Variants in PUS10 observed in about 807,000 individuals in gnomAD.
PUS10 encodes tRNA pseudouridine synthase Pus10.
In PUS10, 59 loss-of-function variants were observed where a neutral mutation model predicts 75.0. The observed-to-expected ratio is 0.79, with a 90% CI of 0.64 to 0.98. PUS10 has a LOEUF of 0.98. PUS10 is among the 50% of genes least tolerant of loss of function. The probability of loss-of-function intolerance (pLI) is 0.00; values close to 1 mark genes in which losing one functional copy is unlikely to be tolerated. For synonymous variants in PUS10, 219 were observed against 211.6 expected (o/e 1.03, Z -0.30); for missense variants, 650 against 614.4 (o/e 1.06, Z -0.61).
intron 1 of PUS10, chr2:61,017,330 T>C (rs1358080819): frequency 1.2e-5 from 2 of 160,362 alleles, no homozygotes; most frequent in African/African-American, 2.4e-5. Flanking sequence ...AGCTTCTCCC[T>C]TCTTGTTTGT....
intron 15 of PUS10, among the ~76,000 whole-genome samples, chr2:60,950,974 C>T (rs1330693449): frequency 6.6e-6 from 1 of 152,184 alleles, no homozygotes; most frequent in Admixed American, 6.5e-5. Flanking sequence ...AACTCTCCTC[C>T]ACTCCAACCC....
rs540257391 is a variant in PUS10, at chr2:60,971,853, T to A, written c.469-296A>T. Among the ~76,000 whole-genome samples, 5 of 151,020 alleles carry A rather than the reference T, an allele frequency of 3.3e-5. No individual in the cohort carries two copies. In the East Asian group the frequency reaches 9.7e-4, roughly 29 times the overall value. ...AATGAGGTATGAGTGTTTCTTTTTC[T>A]TTCTTTCTTCTCTTTTTTTTTTTTT... On this transcript the variant is annotated intron_variant, in intron 4 of 17. Coordinates refer to ENST00000316752, the MANE Select transcript of PUS10 (RefSeq NM_144709.4).
chr2:60,946,451 G>T (rs1340811535), intron 16 of PUS10, among the ~76,000 whole-genome samples: 3 of 152,154 alleles, frequency 2.0e-5, no homozygotes, highest in Non-Finnish European at 2.9e-5. Context: ...GGATTGAAAA[G>T]ACATCAAATT....
chr2:60,998,558 A>G (rs1208146178), intron 4 of PUS10, among the ~76,000 whole-genome samples: 2 of 152,062 alleles, frequency 1.3e-5, no homozygotes, highest in African/African-American at 2.4e-5. Context: ...ATGTGGTGGC[A>G]TGCACCTGTA....
At chr2:60,956,396 C>T (rs910054746) in intron 11 of PUS10, among the ~76,000 whole-genome samples, 11 of 152,196 alleles carry the variant, frequency 7.2e-5, no homozygotes, top group African/African-American at 2.7e-4. Context: ...TACAGCTGCC[C>T]ACCCCTGTCT....
chr2:61,009,122 A>G lies in PUS10; in HGVS notation c.127-107T>C, dbSNP rs1679439806. ...TGAGTGAAAATTAGGACATATCACA[A>G]ATTTTACAATGTTGACATATCAATT... is the stretch of plus-strand genomic sequence containing the variant. On this transcript the variant is annotated intron_variant, in intron 2 of 17. Transcript: ENST00000316752. 9.3e-6 allele frequency: 9 copies of G among 968,368 alleles called. No individual in the cohort carries two copies. The South Asian group carries it at 1.6e-4, about 17-fold the overall frequency. The allele number at this position is 968,368 out of a possible 1,614,324, so 60.0% of individuals were successfully genotyped here. A position where few individuals can be genotyped will look rare whatever the true frequency, so the allele number is the denominator to read the frequency against.
chr2:61,018,153 C>T lies in PUS10; in HGVS notation c.-161G>A. The T allele has an allele frequency of 6.4e-7, 1 of 1,550,692 alleles. No individual in the cohort carries two copies. On this transcript the variant is annotated 5_prime_UTR_variant, in exon 1 of 18. In the 5' UTR this introduces an upstream ATG that the reference lacks. Coordinates refer to ENST00000316752, the MANE Select transcript of PUS10 (RefSeq NM_144709.4). The stretch of plus-strand genomic sequence containing the variant: ...TTCCTACCTACCGCTTCTGTTTTCA[C>T]TTTGACAGAATGGCTTCTCTATCTT...
At chr2:60,977,768 A>G (rs1677124750) in intron 4 of PUS10, among the ~76,000 whole-genome samples, 1 of 152,154 alleles carries the variant, frequency 6.6e-6, no homozygotes, top group South Asian at 2.1e-4. Context: ...CAAACACTAG[A>G]TCAAAAGGCA....
At chr2:61,015,343 T>C (rs752460056) in intron 1 of PUS10, among the ~76,000 whole-genome samples, 5 of 151,916 alleles carry the variant, frequency 3.3e-5, no homozygotes, top group Admixed American at 6.6e-5. Context: ...TCTACTAAAA[T>C]ACAAAAATTA....
intron 4 of PUS10, among the ~76,000 whole-genome samples, chr2:60,982,032 G>A (rs1677426510): frequency 6.7e-6 from 1 of 150,332 alleles, no homozygotes; most frequent in African/African-American, 2.4e-5. Flanking sequence ...TCAAGAAGAG[G>A]GAAAAAACAG....
At chr2:60,990,942 T>C (rs572288063) in intron 4 of PUS10, among the ~76,000 whole-genome samples, 1 of 152,252 alleles carries the variant, frequency 6.6e-6, no homozygotes, top group South Asian at 2.1e-4. Context: ...CATGAGGTCT[T>C]GTTATGCTGC....
intron 4 of PUS10, among the ~76,000 whole-genome samples, chr2:60,992,262 T>A (rs749566567): frequency 3.3e-5 from 5 of 152,150 alleles, no homozygotes; most frequent in African/African-American, 9.7e-5. Context: ...GTGATTCCCC[T>A]GTCTTAGCCT....
intron 4 of PUS10, among the ~76,000 whole-genome samples, chr2:61,002,524 C>T (rs990141843): frequency 2.6e-5 from 4 of 152,120 alleles, no homozygotes; most frequent in African/African-American, 7.2e-5. Context: ...CTCAGCTCAC[C>T]GCAACCTCCG....
In PUS10 at chr2:61,018,124, C is replaced by T. The variant is rs969675571; in HGVS notation, c.-132G>A. Reference sequence around the variant, plus strand: ...TCTCTGTGCTTGAAAGAAAGGGGGGCGGCTTCCTACCTACCGCTTCTGTTT... The same window carrying T: ...TCTCTGTGCTTGAAAGAAAGGGGGGTGGCTTCCTACCTACCGCTTCTGTTT... On this transcript the variant is annotated 5_prime_UTR_variant, in exon 1 of 18. Coordinates refer to ENST00000316752, the MANE Select transcript of PUS10 (RefSeq NM_144709.4). The T allele has an allele frequency of 1.9e-6, 3 of 1,547,288 alleles. No individual in the cohort carries two copies. Among genetic ancestry groups the T allele is most frequent in the Admixed American group, 2.0e-5 (1 of 50,610 alleles).
At chr2:60,963,367 C>A (rs1398254395) in intron 8 of PUS10, among the ~76,000 whole-genome samples, 3 of 152,334 alleles carry the variant, frequency 2.0e-5, no homozygotes, top group East Asian at 3.8e-4. Flanking sequence ...GCAGAGCCAA[C>A]CTGCCAGCCC....
intron 11 of PUS10, among the ~76,000 whole-genome samples, chr2:60,957,134 GGAAAA>G: frequency 6.6e-6 from 1 of 152,070 alleles, no homozygotes; most frequent in African/African-American, 2.4e-5. Context: ...TGACAAAAAA[GGAAAA>G]GAAGCCACTC....
intron 11 of PUS10, among the ~76,000 whole-genome samples, chr2:60,957,868 C>T (rs1169740760): frequency 1.3e-5 from 2 of 152,242 alleles, no homozygotes; most frequent in Non-Finnish European, 2.9e-5. Context: ...CAGCATGACT[C>T]AGTAGGTTTG....
At chr2:61,015,654 G>A (rs978266756) in intron 1 of PUS10, among the ~76,000 whole-genome samples, 11 of 152,142 alleles carry the variant, frequency 7.2e-5, no homozygotes, top group African/African-American at 2.2e-4. Flanking sequence ...AGCCAAAATC[G>A]TGCCACTGTA....
intron 1 of PUS10, among the ~76,000 whole-genome samples, chr2:61,016,052 T>A (rs948875428): frequency 3.3e-5 from 5 of 152,228 alleles, no homozygotes; most frequent in Admixed American, 6.5e-5. Flanking sequence ...GATACTTAAA[T>A]AGCTATATTA....
Sources: gnomAD v4.1 joint callset for allele counts (sites outside exome capture counted in the v4.1 genomes callset) on GRCh38, gnomAD v4.1.1 for gene constraint, MANE v1.5 for transcripts, NCBI Gene and HGNC (gene_info 2026-07-23, HGNC 2026-07-21) for gene names.